The following ROBO2 variants were observed in gnomAD, a reference collection of about 807,000 sequenced individuals.
ROBO2 encodes roundabout guidance receptor 2, also known as roundabout homolog 2.
A neutral mutation model predicts 160.8 loss-of-function variants in ROBO2; 53 were observed. That is an observed-to-expected ratio of 0.33 (90% CI 0.26 to 0.41). The LOEUF (loss-of-function observed/expected upper bound fraction) is 0.41, where lower values mean the gene tolerates loss of function less well. Ranked by LOEUF, ROBO2 falls within the 10% of genes least tolerant of loss-of-function variation. The probability of loss-of-function intolerance (pLI) is 1.00; values close to 1 mark genes in which losing one functional copy is unlikely to be tolerated. For missense variants in ROBO2, 1,577 were observed against 1,722.4 expected (o/e 0.92, Z 1.49); for synonymous variants, 664 against 611.7 (o/e 1.09, Z -1.26).
chr3:76,256,350 T>TA (rs1559690071), intron 2 of ROBO2, among the ~76,000 whole-genome samples: 134 of 60,246 alleles, frequency 2.2e-3, no homozygotes, highest in East Asian at 6.8e-3. Flanking sequence ...TCTCTCTCTC[T>TA]CTCACATACA....
intron 2 of ROBO2, among the ~76,000 whole-genome samples, chr3:77,329,656 C>T (rs1329802986): frequency 6.6e-6 from 1 of 152,318 alleles, no homozygotes; most frequent in African/African-American, 2.4e-5. Context: ...TTCTGATTCT[C>T]TCCTGCCCTG....
intron 2 of ROBO2, among the ~76,000 whole-genome samples, chr3:76,034,237 A>G (rs965043244): frequency 2.0e-5 from 3 of 152,176 alleles, no homozygotes; most frequent in Non-Finnish European, 4.4e-5. Context: ...GTTTTTCTCT[A>G]AATTATTTCC....
chr3:76,190,769 T>C (rs1015731047), intron 2 of ROBO2, among the ~76,000 whole-genome samples: 3 of 152,110 alleles, frequency 2.0e-5, no homozygotes, highest in African/African-American at 7.2e-5. Context: ...TCCAAGATTG[T>C]CTTATGCTTC....
intron 2 of ROBO2, among the ~76,000 whole-genome samples, chr3:76,849,101 A>G (rs528309953): frequency 6.6e-6 from 1 of 152,316 alleles, no homozygotes; most frequent in East Asian, 1.9e-4. Context: ...AATTTTGAAA[A>G]AGATATTTAC....
intron 2 of ROBO2, among the ~76,000 whole-genome samples, chr3:77,136,039 A>C (rs2076250322): frequency 6.6e-6 from 1 of 152,226 alleles, no homozygotes; most frequent in African/African-American, 2.4e-5. Context: ...AGCACAGTAC[A>C]TAGAGTAGCA....
At chr3:77,039,979 C>G (rs2063919822) in exon 1 of ROBO2, 4 of 502,060 alleles carry the variant, frequency 8.0e-6, no homozygotes, top group Non-Finnish European at 1.0e-5. Context: ...TGCTCGCGCC[C>G]GCAGCCGCCT....
intron 2 of ROBO2, among the ~76,000 whole-genome samples, chr3:76,043,663 A>C (rs1473867603): frequency 1.3e-5 from 2 of 150,654 alleles, no homozygotes; most frequent in Admixed American, 6.6e-5. Context: ...CAAAAAACCA[A>C]ACCAAAACAA....
At chr3:77,206,117 C>G (rs2083418567) in intron 2 of ROBO2, among the ~76,000 whole-genome samples, 1 of 152,108 alleles carries the variant, frequency 6.6e-6, no homozygotes, top group Admixed American at 6.5e-5. Context: ...CGCTTTTTTT[C>G]TGTCTTAACA....
chr3:77,452,495 C>T (rs1339415084), intron 2 of ROBO2, among the ~76,000 whole-genome samples: 1 of 152,140 alleles, frequency 6.6e-6, no homozygotes, highest in Non-Finnish European at 1.5e-5. Flanking sequence ...TTCCAATCCC[C>T]CAGGTACCCC....
intron 2 of ROBO2, among the ~76,000 whole-genome samples, chr3:76,624,897 G>A (rs2089515620): frequency 7.2e-6 from 1 of 139,490 alleles, no homozygotes; most frequent in South Asian, 2.3e-4. Flanking sequence ...TTGTCTACTA[G>A]TCCAACCACC....
intron 2 of ROBO2, among the ~76,000 whole-genome samples, chr3:76,098,195 C>T (rs918796175): frequency 6.6e-6 from 1 of 152,086 alleles, no homozygotes; most frequent in Admixed American, 6.6e-5. Context: ...AATTTTAAAG[C>T]AACTGTTTTG....
intron 2 of ROBO2, among the ~76,000 whole-genome samples, chr3:76,782,248 G>A (rs2062694693): frequency 1.3e-5 from 2 of 150,696 alleles, no homozygotes; most frequent in South Asian, 4.2e-4. Context: ...TGGTAGAAAA[G>A]ATGCTTGATA....
chr3:77,070,230 T>G (rs2067263715), intron 1 of ROBO2, among the ~76,000 whole-genome samples: 1 of 152,094 alleles, frequency 6.6e-6, no homozygotes, highest in South Asian at 2.1e-4. Context: ...CCTCCAGAAG[T>G]GTGAAACAAT....
intron 2 of ROBO2, among the ~76,000 whole-genome samples, chr3:77,389,999 T>G (rs2074550093): frequency 6.6e-6 from 1 of 152,214 alleles, no homozygotes; most frequent in Admixed American, 6.5e-5. Context: ...ATTGTGATTT[T>G]ACCTATAAGT....
chr3:76,723,717 C>T (rs573134896), intron 2 of ROBO2, among the ~76,000 whole-genome samples: 4 of 152,358 alleles, frequency 2.6e-5, no homozygotes, highest in African/African-American at 9.6e-5. Flanking sequence ...CTGGTGGACA[C>T]ACTTTTCTCT....
At chr3:77,605,308 GTTCT>G (rs2094505884) in intron 20 of ROBO2, among the ~76,000 whole-genome samples, 1 of 151,866 alleles carries the variant, frequency 6.6e-6, no homozygotes, top group Non-Finnish European at 1.5e-5. Flanking sequence ...GTGATTGAAG[GTTCT>G]TTGTTTGCAA....
chr3:77,219,895 A>G (rs185400546), intron 2 of ROBO2, among the ~76,000 whole-genome samples: 44 of 151,282 alleles, frequency 2.9e-4, no homozygotes, highest in Non-Finnish European at 4.6e-4. Context: ...AATTTCTTTA[A>G]GACAAAGTTC....
intron 2 of ROBO2, among the ~76,000 whole-genome samples, chr3:77,287,320 C>T (rs536120257): frequency 5.7e-4 from 87 of 151,994 alleles, no homozygotes; most frequent in African/African-American, 1.8e-3. Flanking sequence ...TTTTTAACAT[C>T]GTTTATCTTT....
At chr3:77,644,988 G>T in intron 25 of ROBO2, 84 bp downstream of exon 27, 1 of 1,384,112 alleles carries the variant, frequency 7.2e-7, no homozygotes. Context: ...ACAAATTTCA[G>T]ATTAATAGAA....
Sources: allele counts gnomAD v4.1 joint callset (sites outside exome capture counted in the v4.1 genomes callset), GRCh38; gene constraint gnomAD v4.1.1; transcripts MANE v1.5; gene names NCBI Gene and HGNC (gene_info 2026-07-23, HGNC 2026-07-21).